Variants in PLEKHG1 observed in about 807,000 individuals in gnomAD.
PLEKHG1 encodes pleckstrin homology and RhoGEF domain containing G1, also known as pleckstrin homology domain-containing family G member 1.
PLEKHG1 carries 44 observed loss-of-function variants against 100.8 expected under a neutral mutation model. The ratio of observed to expected loss-of-function variants is 0.44; its 90% CI spans 0.34 to 0.56. The LOEUF (loss-of-function observed/expected upper bound fraction) is 0.56, where lower values mean the gene tolerates loss of function less well. PLEKHG1 is among the 20% of genes least tolerant of loss of function. The pLI is 0.01. For missense variants in PLEKHG1, 1,545 were observed against 1,720.9 expected (o/e 0.90, Z 1.81); for synonymous variants, 640 against 662.5 (o/e 0.97, Z 0.52).
chr6:150,829,271 C>A (rs1169438071), intron 14 of PLEKHG1, among the ~76,000 whole-genome samples: 2 of 152,174 alleles, frequency 1.3e-5, no homozygotes, highest in African/African-American at 4.8e-5. Context: ...TGAGCTCCAT[C>A]CAGAAGGGTT....
At chr6:150,828,466 C>T (rs1466599311) in intron 14 of PLEKHG1, 1 of 1,217,538 alleles carries the variant, frequency 8.2e-7, no homozygotes, top group South Asian at 1.6e-5. Flanking sequence ...AAGAATGAAT[C>T]CTTGTGGTTT....
intron 3 of PLEKHG1, among the ~76,000 whole-genome samples, chr6:150,785,337 C>G (rs1193042282): frequency 2.0e-5 from 3 of 152,068 alleles, no homozygotes; most frequent in Non-Finnish European, 4.4e-5. Context: ...AAAATAAATA[C>G]TTAGCATAGT....
intron 2 of PLEKHG1, among the ~76,000 whole-genome samples, chr6:150,762,327 T>C (rs1353675421): frequency 3.3e-5 from 5 of 151,638 alleles, no homozygotes; most frequent in Admixed American, 1.3e-4. Context: ...GTAGCTGGGA[T>C]TACAGGTGCC....
intron 1 of PLEKHG1, among the ~76,000 whole-genome samples, chr6:150,603,814 C>T (rs532661739): frequency 7.9e-5 from 12 of 152,248 alleles, no homozygotes; most frequent in South Asian, 2.1e-4. Flanking sequence ...TTCGTGGATC[C>T]GCAAATCCAT....
At chr6:150,699,684 C>T (rs1163625381) in intron 3 of PLEKHG1, among the ~76,000 whole-genome samples, 1 of 152,098 alleles carries the variant, frequency 6.6e-6, no homozygotes. Flanking sequence ...GAACACCCCG[C>T]GAGGCCATGA....
intron 1 of PLEKHG1, among the ~76,000 whole-genome samples, chr6:150,614,662 G>A (rs543238737): frequency 2.0e-5 from 3 of 152,176 alleles, no homozygotes; most frequent in East Asian, 3.9e-4. Context: ...CAGACCCTCC[G>A]TCCACACTCC....
intron 1 of PLEKHG1, among the ~76,000 whole-genome samples, chr6:150,603,541 C>G (rs576536566): frequency 6.6e-6 from 1 of 152,064 alleles, no homozygotes; most frequent in Admixed American, 6.5e-5. Flanking sequence ...TGGGCCATAG[C>G]GTATCTAATG....
chr6:150,701,781 A>C (rs1197496753), intron 3 of PLEKHG1, among the ~76,000 whole-genome samples: 2 of 152,042 alleles, frequency 1.3e-5, no homozygotes, highest in African/African-American at 4.8e-5. Context: ...AATTAGTTTC[A>C]ACTTACCTGT....
intron 4 of PLEKHG1, among the ~76,000 whole-genome samples, chr6:150,793,012 A>C (rs1026585349): frequency 6.6e-5 from 10 of 152,250 alleles, no homozygotes; most frequent in Non-Finnish European, 1.3e-4. Context: ...GAAACTCATT[A>C]AATAGGCTCA....
At chr6:150,797,643 C>T (rs184630816) in intron 5 of PLEKHG1, among the ~76,000 whole-genome samples, 173 of 151,552 alleles carry the variant, frequency 1.1e-3, no homozygotes, top group Non-Finnish European at 5.7e-4. Context: ...GAGACCAACC[C>T]GGGCAATATG....
At chr6:150,640,312 A>G (rs1778199822) in intron 2 of PLEKHG1, among the ~76,000 whole-genome samples, 2 of 152,240 alleles carry the variant, frequency 1.3e-5, no homozygotes, top group Admixed American at 1.3e-4. Flanking sequence ...TTTTCAGAAG[A>G]TGATCTTGAC....
chr6:150,750,562 C>T (rs1163473428), intron 2 of PLEKHG1, among the ~76,000 whole-genome samples: 22 of 151,998 alleles, frequency 1.4e-4, no homozygotes, highest in African/African-American at 5.1e-4. Flanking sequence ...GGGCGGATCA[C>T]GAGGTCAGGA....
At chr6:150,731,114 C>T (rs2128616064) in intron 1 of PLEKHG1, among the ~76,000 whole-genome samples, 1 of 152,272 alleles carries the variant, frequency 6.6e-6, no homozygotes, top group East Asian at 1.9e-4. Context: ...ACTTTCTCAA[C>T]ACCAGTCCCA....
Position 150,788,257 on chromosome 6 carries a change from C to T in PLEKHG1, c.582+1798C>T, listed in dbSNP as rs111871368. Among the ~76,000 whole-genome samples the T allele has an allele frequency of 1.3e-3, 202 of 152,356 alleles. 1 individual carries two copies. Among genetic ancestry groups the T allele is most frequent in the African/African-American group, 4.3e-3 (178 of 41,578 alleles). Reference sequence around the variant, plus strand: ...GGGAATCCTGAGGGAGTGCTGGGCTCAGGCACTGCCTGCCTTTCACTCAGC... The same window carrying T: ...GGGAATCCTGAGGGAGTGCTGGGCTTAGGCACTGCCTGCCTTTCACTCAGC... On this transcript the variant is annotated intron_variant, in intron 4 of 15. Coordinates refer to ENST00000358517, the Ensembl canonical transcript of PLEKHG1.
At chr6:150,799,409 G>A (rs1786557057) in intron 5 of PLEKHG1, among the ~76,000 whole-genome samples, 1 of 152,122 alleles carries the variant, frequency 6.6e-6, no homozygotes, top group Admixed American at 6.6e-5. Context: ...AGAGCCACAA[G>A]CTCCCACACT....
In PLEKHG1 at chr6:150,668,320, C is replaced by G. The variant is rs534256499; in HGVS notation, c.-99+17534C>G. ...TAAAAAGTGATTGGATTCTTTATGG[C>G]TCCCTCAAAGATTTTTCAACTCCCT... On this transcript the variant is annotated intron_variant, in intron 3 of 3. Coordinates refer to the PLEKHG1 transcript ENST00000367326. 1.6e-4 allele frequency among the ~76,000 whole-genome samples: 24 copies of G among 152,318 alleles called. No individual in the cohort carries two copies. In the South Asian group the frequency reaches 4.6e-3, roughly 29 times the overall value.
intron 2 of PLEKHG1, among the ~76,000 whole-genome samples, chr6:150,752,522 T>C (rs964059667): frequency 5.3e-5 from 8 of 152,224 alleles, no homozygotes; most frequent in African/African-American, 1.7e-4. Flanking sequence ...GGATCCCTCA[T>C]GTAAGTGAAA....
At chr6:150,729,666 T>G (rs1412395213) in intron 1 of PLEKHG1, among the ~76,000 whole-genome samples, 3 of 152,192 alleles carry the variant, frequency 2.0e-5, no homozygotes, top group Non-Finnish European at 2.9e-5. Context: ...ATGTTTCACT[T>G]CTGTCATTGG....
exon 5 of PLEKHG1, chr6:150,795,879 C>G (rs1786300020): frequency 1.2e-6 from 2 of 1,603,344 alleles, no homozygotes; most frequent in South Asian, 2.2e-5. Context: ...ACATTTATAC[C>G]CAGTATTGCA....
Sources: gnomAD v4.1 joint callset for allele counts (sites outside exome capture counted in the v4.1 genomes callset) on GRCh38, gnomAD v4.1.1 for gene constraint, MANE v1.5 for transcripts, NCBI Gene and HGNC (gene_info 2026-07-23, HGNC 2026-07-21) for gene names.